RARG: variants seen among roughly 807,000 people sequenced by gnomAD.
The protein encoded by RARG is retinoic acid receptor gamma.
In RARG, 17 loss-of-function variants were observed where a neutral mutation model predicts 43.7. That is an observed-to-expected ratio of 0.39 (90% CI 0.27 to 0.58). RARG has a LOEUF of 0.58. RARG is among the 20% of genes least tolerant of loss of function. The probability of loss-of-function intolerance (pLI) is 0.57; values close to 1 mark genes in which losing one functional copy is unlikely to be tolerated. For synonymous variants in RARG, 238 were observed against 236.4 expected (o/e 1.01, Z -0.06); for missense variants, 346 against 598.7 (o/e 0.58, Z 4.40).
At position 53,213,608 on chromosome 12, in the gene RARG, G is replaced by A. The variant is rs139192715; in HGVS notation, c.906C>T (p.Ala302=). Residue 302 remains alanine (A), a synonymous_variant, in exon 8 of 10, where the codon GCC becomes GCT. Transcript: ENST00000425354. This position sits in a 1 kb window ranked among gnomAD's most constrained non-coding sequence, Gnocchi z 4.7. Reference sequence around the variant, plus strand: ...CAAGGTCTGTGAGGGGCCCGAAGCCGGCATTGTGCATCTGGGTCCGGTTCA... The same window carrying A: ...CAAGGTCTGTGAGGGGCCCGAAGCCAGCATTGTGCATCTGGGTCCGGTTCA... ...LTLNRTQMHN[A]GFGPLTDLVF... 212 of 1,614,068 alleles carry A rather than the reference G, an allele frequency of 1.3e-4. 1 individual carries two copies. In the African/African-American group the frequency reaches 2.3e-3, roughly 18 times the overall value.
At chr12:53,228,286 C>G (rs1592450662) in intron 2 of RARG, among the ~76,000 whole-genome samples, 1 of 152,206 alleles carries the variant, frequency 6.6e-6, no homozygotes, top group East Asian at 1.9e-4. Context: ...AGGCATGTCA[C>G]TTAATCTCTC....
chr12:53,227,523 A>T lies in RARG; in HGVS notation c.23T>A (p.Leu8His). Residue 8 changes from leucine to histidine, a missense_variant, in exon 3 of 10, where the codon CTC becomes CAC. Physicochemically the swap from Leu to His is moderately conservative, Grantham distance 99 (BLOSUM62 -3). This residue lies in a region of RARG where 90 missense variants were observed against 93.2 expected (regional missense o/e 0.97). Coordinates refer to ENST00000425354, the MANE Select transcript of RARG (RefSeq NM_000966.6). This position sits in a 1 kb window ranked among gnomAD's most constrained non-coding sequence, Gnocchi z 4.3. MATNKER[L>H]FAAGALGPGS... The stretch of plus-strand genomic sequence containing the variant: ...AGGCCCCAGGGCACCAGCCGCAAAG[A>T]GTCGCTCCTTATTGGTGGCCATGGC... 6.3e-7 allele frequency: 1 copy of T among 1,594,804 alleles called. No individual in the cohort carries two copies. The highest frequency in any genetic ancestry group is 8.5e-7 in the Non-Finnish European group (1 of 1,171,308).
intron 9 of RARG, among the ~76,000 whole-genome samples, chr12:53,212,118 C>T (rs941269930): frequency 3.9e-5 from 6 of 152,220 alleles, no homozygotes; most frequent in Non-Finnish European, 7.3e-5. Flanking sequence ...GTCTCTTCAG[C>T]GAGCGCAATG....
chr12:53,224,468 G>A (rs1943061408), intron 3 of RARG, among the ~76,000 whole-genome samples: 1 of 152,164 alleles, frequency 6.6e-6, no homozygotes. Context: ...CTCAATGTGA[G>A]TATGCCTTTG....
At chr12:53,217,615 C>T (rs967048810) in intron 3 of RARG, among the ~76,000 whole-genome samples, 23 of 152,142 alleles carry the variant, frequency 1.5e-4, no homozygotes, top group Admixed American at 9.8e-4. Flanking sequence ...CTAGTGGCTC[C>T]GAGGTCAATC....
rs903497068 is a variant in RARG at position 53,227,108 on chromosome 12, C to G, written c.184+254G>C. 6.6e-6 allele frequency among the ~76,000 whole-genome samples: 1 copy of G among 151,008 alleles called. No individual in the cohort carries two copies. The highest frequency in any genetic ancestry group is 6.6e-5 in the Admixed American group (1 of 15,218). The stretch of plus-strand genomic sequence containing the variant: ...GGAGGCAGTTTTAGATACCCACCCC[C>G]CAAGTTTTAGGCCTGCTACCTCCCT... On this transcript the variant is annotated intron_variant, in intron 3 of 9. Coordinates refer to ENST00000425354, the MANE Select transcript of RARG (RefSeq NM_000966.6). This position sits in a 1 kb window ranked among gnomAD's most constrained non-coding sequence, Gnocchi z 4.3.
At chr12:53,222,231 G>GAGAGAAAGAAAAGAA (rs1555181719) in intron 3 of RARG, among the ~76,000 whole-genome samples, 10 of 93,224 alleles carry the variant, frequency 1.1e-4, no homozygotes, top group South Asian at 4.0e-4. Context: ...GAAAGAAAGA[G>GAGAGAAAGAAAAGAA]AGAGAAAGAA....
rs762183174 is a variant in RARG at position 53,214,251 on chromosome 12, G to A, written c.637-16C>T. Reference sequence around the variant, plus strand: ...CACTGGAGTTCTGCAGAGGGGAGGGGTAGAAGGTTGGAAGGCAAGCTAAGG... The same window carrying A: ...CACTGGAGTTCTGCAGAGGGGAGGGATAGAAGGTTGGAAGGCAAGCTAAGG... On this transcript the variant is annotated splice_polypyrimidine_tract_variant and intron_variant, in intron 6 of 9. Coordinates refer to ENST00000425354, the MANE Select transcript of RARG (RefSeq NM_000966.6). 1.2e-6 allele frequency: 2 copies of A among 1,608,206 alleles called. No individual in the cohort carries two copies. Among genetic ancestry groups the A allele is most frequent in the African/African-American group, 2.7e-5 (2 of 74,878 alleles).
chr12:53,214,621 C>A lies in RARG; in HGVS notation c.476-15G>T. The A allele has an allele frequency of 6.3e-7, 1 of 1,591,516 alleles. No individual in the cohort carries two copies. The stretch of plus-strand genomic sequence containing the variant: ...ATTTCGCACAGCTTGTGGGTGGAGG[C>A]GCAAGGAGAGGGTCAGGACCCTCAG... On this transcript the variant is annotated splice_polypyrimidine_tract_variant and intron_variant, in intron 5 of 9. Coordinates refer to ENST00000425354, the MANE Select transcript of RARG (RefSeq NM_000966.6).
chr12:53,214,474 G>A lies in RARG; in HGVS notation c.608C>T (p.Ser203Leu). Reference protein sequence around the residue: ...VSKAHQETFPSLCQLGKYTTN... With the variant: ...VSKAHQETFPLLCQLGKYTTN... ...GGTATACTTGCCCAGCTGGCAGAGC[G>A]AGGGGAAAGTCTCCTGATGGGCTTT... The change falls in exon 6 of 10, where the codon TCG (serine) becomes TTG (leucine). Residue 203 changes from serine to leucine, a missense_variant. By Grantham distance (145) the Ser-to-Leu change is moderately radical (BLOSUM62 -2). Around this residue, in one of 8 missense-constraint regions of RARG, gnomAD observed 67 missense variants for 79.6 expected, o/e 0.84. Coordinates refer to ENST00000425354, the MANE Select transcript of RARG (RefSeq NM_000966.6). The A allele has an allele frequency of 1.9e-6, 3 of 1,613,476 alleles. No individual in the cohort carries two copies. Among genetic ancestry groups the A allele is most frequent in the African/African-American group, 1.3e-5 (1 of 75,046 alleles).
At position 53,223,096 on chromosome 12, in the gene RARG, C is replaced by T. The variant is rs529505126; in HGVS notation, c.184+4266G>A. On this transcript the variant is annotated intron_variant, in intron 3 of 9. Transcript: ENST00000425354. ...CCCCTTAGAGTCCCTGCCACCCTGGCAAGGATGAGTTTGGCCAGGACGAGG... is the reference window on the plus strand; with the variant it reads ...CCCCTTAGAGTCCCTGCCACCCTGGTAAGGATGAGTTTGGCCAGGACGAGG... 3.9e-5 allele frequency among the ~76,000 whole-genome samples: 6 copies of T among 152,286 alleles called. No homozygotes were observed. In the South Asian group the frequency reaches 6.2e-4, roughly 16 times the overall value.
chr12:53,213,091 T>C lies in RARG; in HGVS notation c.1171A>G (p.Thr391Ala), dbSNP rs1426949912. ...MKITDLRGIS[T>A]KGAERAITLK... Reference sequence around the variant, plus strand: ...ACACCCACTCATGACTCACCCTTAGTGCTGATGCCCCGGAGGTCGGTGATT... The same window carrying C: ...ACACCCACTCATGACTCACCCTTAGCGCTGATGCCCCGGAGGTCGGTGATT... Residue 391 changes from threonine (T) to alanine (A), a missense_variant, in exon 9 of 10, where the codon ACT becomes GCT. Physicochemically the swap from Thr to Ala is moderately conservative, Grantham distance 58 (BLOSUM62 0). Transcript: ENST00000425354. This position sits in a 1 kb window ranked among gnomAD's most constrained non-coding sequence, Gnocchi z 4.7. The C allele has an allele frequency of 6.2e-7, 1 of 1,612,926 alleles. No homozygotes were observed. The highest frequency in any genetic ancestry group is 8.5e-7 in the Non-Finnish European group (1 of 1,179,300).
At chr12:53,222,018 G>A (rs1169054732) in intron 3 of RARG, among the ~76,000 whole-genome samples, 1 of 150,380 alleles carries the variant, frequency 6.6e-6, no homozygotes, top group Non-Finnish European at 1.5e-5. Flanking sequence ...GCGCGGGGGA[G>A]GGGCGGGGGG....
intron 3 of RARG, among the ~76,000 whole-genome samples, chr12:53,218,292 C>T (rs1452200937): frequency 6.6e-6 from 1 of 152,124 alleles, no homozygotes; most frequent in Non-Finnish European, 1.5e-5. Flanking sequence ...TGTGTGTCCA[C>T]CAGGATCCCA....
chr12:53,224,567 C>G (rs772132490), intron 3 of RARG, among the ~76,000 whole-genome samples: 2 of 152,134 alleles, frequency 1.3e-5, no homozygotes, highest in African/African-American at 2.4e-5. Context: ...AGGACACTCT[C>G]TCATCCTTCT....
intron 3 of RARG, chr12:53,220,261 G>A: frequency 7.3e-7 from 1 of 1,379,136 alleles, no homozygotes; most frequent in Non-Finnish European, 9.5e-7. Context: ...GGGGAAGAGG[G>A]GGGATCCCCA....
intron 3 of RARG, chr12:53,219,932 C>G (rs968473074): frequency 1.3e-6 from 2 of 1,495,606 alleles, no homozygotes; most frequent in African/African-American, 2.8e-5. Context: ...CACCCCAGCC[C>G]CGGACTCCGG....
intron 3 of RARG, chr12:53,219,889 GA>G: frequency 1.4e-6 from 2 of 1,386,196 alleles, no homozygotes; most frequent in Non-Finnish European, 1.9e-6. Context: ...TTTACACACG[GA>G]AAGAGTAAAT....
chr12:53,215,233 G>A lies in RARG; in HGVS notation c.475+60C>T. ...GAAGTGGGAGTGGCCAGAGGAAAGA[G>A]GGCCACAGCCATAGGGTAGGACCGA... On this transcript the variant is annotated intron_variant, in intron 5 of 9. Transcript: ENST00000425354. This position sits in a 1 kb window ranked among gnomAD's most constrained non-coding sequence, Gnocchi z 6.4. 1.9e-6 allele frequency: 3 copies of A among 1,584,528 alleles called. No individual in the cohort carries two copies. The highest frequency in any genetic ancestry group is 2.6e-6 in the Non-Finnish European group (3 of 1,163,478).
Sources: gnomAD v4.1 joint callset for allele counts (sites outside exome capture counted in the v4.1 genomes callset) on GRCh38, gnomAD v4.1.1 for gene constraint, gnomAD v4.1.1 regional missense constraint, Gnocchi (gnomAD v3.1) non-coding constraint, MANE v1.5 for transcripts, NCBI Gene and HGNC (gene_info 2026-07-23, HGNC 2026-07-21) for gene names.